METTL16: variants seen among roughly 807,000 people sequenced by gnomAD.
METTL16 encodes the protein RNA N(6)-adenosine-methyltransferase METTL16.
A neutral mutation model predicts 57.9 loss-of-function variants in METTL16; 19 were observed. The ratio of observed to expected loss-of-function variants is 0.33; its 90% confidence interval spans 0.23 to 0.48. The LOEUF is 0.48. Ranked by LOEUF, METTL16 falls within the 20% of genes least tolerant of loss-of-function variation. METTL16 has a pLI of 0.99. For missense variants in METTL16, 434 were observed against 691.5 expected (o/e 0.63, Z 4.18); for synonymous variants, 246 against 255.6 (o/e 0.96, Z 0.36).
intron 8 of METTL16, 132 bp downstream of exon 8, chr17:2,437,977 C>T (rs1020928087): frequency 4.4e-6 from 3 of 687,178 alleles, no homozygotes; most frequent in Non-Finnish European, 5.3e-6. Context: ...GGTTACAACC[C>T]CTTTCCATTC....
chr17:2,444,139 A>G (rs949731935), intron 6 of METTL16, among the ~76,000 whole-genome samples: 1 of 152,190 alleles, frequency 6.6e-6, no homozygotes, highest in African/African-American at 2.4e-5. Flanking sequence ...TCAGTAACAG[A>G]TGGCACTTAC....
intron 1 of METTL16, 23 bp from the exon 2 acceptor site, chr17:2,502,354 G>T: frequency 6.2e-7 from 1 of 1,607,686 alleles, no homozygotes; most frequent in South Asian, 1.1e-5. Context: ...AAGAGAGAAA[G>T]AAAATCAGCA....
Position 2,492,985 on chromosome 17 carries a change from T to C in METTL16, c.128+9219A>G, listed in dbSNP as rs563155552. Among the ~76,000 whole-genome samples the C allele has an allele frequency of 6.0e-5, 9 of 150,998 alleles. No individual in the cohort carries two copies. The South Asian group carries it at 1.9e-3, about 32-fold the overall frequency. ...ACTTAACAAGACTAACTTAGAAATGTCCCCTTTCCAAAACACCCCTGATTC... is the reference window on the plus strand; with the variant it reads ...ACTTAACAAGACTAACTTAGAAATGCCCCCTTTCCAAAACACCCCTGATTC... On this transcript the variant is annotated intron_variant, in intron 2 of 9. Transcript: ENST00000263092.
intron 8 of METTL16, among the ~76,000 whole-genome samples, chr17:2,429,091 C>T (rs538891956): frequency 6.6e-6 from 1 of 152,076 alleles, no homozygotes; most frequent in East Asian, 1.9e-4. Flanking sequence ...CTCCCGACCT[C>T]AGGTGATCCA....
At chr17:2,427,982 T>G (rs1242729738) in intron 8 of METTL16, among the ~76,000 whole-genome samples, 118 of 101,086 alleles carry the variant, frequency 1.2e-3, no homozygotes, top group Admixed American at 1.6e-3. Context: ...CTGGATGTGG[T>G]GGCAAGGAAG....
At chr17:2,421,890 C>G (rs370467484) in intron 8 of METTL16, among the ~76,000 whole-genome samples, 1 of 152,152 alleles carries the variant, frequency 6.6e-6, no homozygotes, top group African/African-American at 2.4e-5. Flanking sequence ...GTGACACCGG[C>G]GCTGATGAGA....
intron 6 of METTL16, among the ~76,000 whole-genome samples, chr17:2,447,880 G>A (rs1163388928): frequency 6.1e-5 from 5 of 81,466 alleles, no homozygotes; most frequent in Non-Finnish European, 1.1e-4. Context: ...CTGGCCAGCC[G>A]CCCCGTCCGG....
At chr17:2,452,951 C>A (rs2067081831) in intron 6 of METTL16, among the ~76,000 whole-genome samples, 1 of 152,114 alleles carries the variant, frequency 6.6e-6, no homozygotes, top group Non-Finnish European at 1.5e-5. Context: ...CCTCCACCTC[C>A]CAGGCTCAGG....
intron 2 of METTL16, among the ~76,000 whole-genome samples, chr17:2,487,395 T>G (rs1466416379): frequency 1.3e-5 from 2 of 152,048 alleles, no homozygotes. Flanking sequence ...AAATATAAAG[T>G]GCGAAGGAAA....
intron 2 of METTL16, among the ~76,000 whole-genome samples, chr17:2,481,243 C>A (rs370194951): frequency 9.0e-5 from 13 of 145,156 alleles, no homozygotes; most frequent in African/African-American, 2.1e-4. Flanking sequence ...AAAAAAAAAA[C>A]CCAGGATATT....
intron 2 of METTL16, among the ~76,000 whole-genome samples, chr17:2,491,815 C>T (rs1312143928): frequency 1.5e-5 from 2 of 137,288 alleles, no homozygotes; most frequent in South Asian, 2.2e-4. Context: ...GCAGAGCTTG[C>T]AGTGAGCCGA....
chr17:2,478,064 T>C (rs2151569650), intron 2 of METTL16, among the ~76,000 whole-genome samples, 179 bp from the exon 3 acceptor site: 1 of 152,184 alleles, frequency 6.6e-6, no homozygotes, highest in East Asian at 1.9e-4. Context: ...TCACAGCTTA[T>C]GAAAATCAGT....
At chr17:2,443,708 C>A (rs1347053580) in intron 6 of METTL16, among the ~76,000 whole-genome samples, 5 of 151,966 alleles carry the variant, frequency 3.3e-5, no homozygotes, top group Non-Finnish European at 7.4e-5. Context: ...ACCATGTTAG[C>A]CAGGATGGTC....
At chr17:2,507,888 T>C (rs1039498257) in intron 1 of METTL16, among the ~76,000 whole-genome samples, 54 of 152,262 alleles carry the variant, frequency 3.5e-4, no homozygotes, top group Non-Finnish European at 6.3e-4. Context: ...GGATGAAGGG[T>C]GGTGCAAGAT....
intron 6 of METTL16, among the ~76,000 whole-genome samples, chr17:2,450,157 C>A (rs925701083): frequency 6.6e-6 from 1 of 152,162 alleles, no homozygotes; most frequent in Non-Finnish European, 1.5e-5. Context: ...TTTAATTAGA[C>A]ACAAAAAATT....
At chr17:2,477,956 C>A in intron 2 of METTL16, 71 bp from the exon 3 acceptor site, 1 of 1,339,104 alleles carries the variant, frequency 7.5e-7, no homozygotes, top group South Asian at 1.2e-5. Flanking sequence ...CTACGGCAAA[C>A]AGGCAGAACC....
At chr17:2,489,749 A>AAAAAAAAAAAAAAAAAAAC (rs1555620741) in intron 2 of METTL16, among the ~76,000 whole-genome samples, 1 of 148,010 alleles carries the variant, frequency 6.8e-6, no homozygotes, top group African/African-American at 2.5e-5. Flanking sequence ...AAAAAAAAAA[A>AAAAAAAAAAAAAAAAAAAC]CGAATACTGC....
At chr17:2,440,624 G>C (rs1221086535) in intron 7 of METTL16, among the ~76,000 whole-genome samples, 1 of 151,904 alleles carries the variant, frequency 6.6e-6, no homozygotes, top group Non-Finnish European at 1.5e-5. Context: ...CTAAAGACTT[G>C]AATATAAGAC....
intron 1 of METTL16, among the ~76,000 whole-genome samples, chr17:2,503,617 A>G (rs2067506760): frequency 1.3e-5 from 2 of 152,126 alleles, no homozygotes; most frequent in Non-Finnish European, 2.9e-5. Context: ...CATACAATAA[A>G]TATAGATTAA....
Sources: allele counts gnomAD v4.1 joint callset (sites outside exome capture counted in the v4.1 genomes callset), GRCh38; gene constraint gnomAD v4.1.1; transcripts MANE v1.5; gene names NCBI Gene and HGNC (gene_info 2026-07-23, HGNC 2026-07-21).